ACSL1: variants seen among roughly 807,000 people sequenced by gnomAD.
ACSL1 encodes acyl-CoA synthetase long chain family member 1, also known as long-chain-fatty-acid--CoA ligase 1.
Under a neutral mutation model 98.4 loss-of-function variants are expected in ACSL1, and 41 were observed. That is an observed-to-expected ratio of 0.42 (90% confidence interval 0.32 to 0.54). ACSL1 has a LOEUF of 0.54. Ranked by LOEUF, ACSL1 falls within the 20% of genes least tolerant of loss-of-function variation. ACSL1 has a pLI of 0.13. For missense variants in ACSL1, 734 were observed against 883.1 expected, an observed-to-expected ratio of 0.83 and a Z score of 2.14; for synonymous variants, 316 against 322.7, an observed-to-expected ratio of 0.98 and a Z score of 0.22.
At chr4:184,814,524 G>A (rs62338220) in intron 1 of ACSL1, among the ~76,000 whole-genome samples, 8,778 of 152,078 alleles carry the variant, frequency 0.058, 389 homozygotes, top group Non-Finnish European at 0.086. Flanking sequence ...TCTATGTGGC[G>A]AGTCTATGGG....
intron 4 of ACSL1, among the ~76,000 whole-genome samples, chr4:184,782,567 C>T (rs1330272575): frequency 1.3e-5 from 2 of 152,200 alleles, no homozygotes; most frequent in Admixed American, 6.5e-5. Context: ...GACCATCACA[C>T]ACAACACACA....
chr4:184,779,093 A>T (rs149296385), intron 5 of ACSL1, among the ~76,000 whole-genome samples: 206 of 152,322 alleles, frequency 1.4e-3, no homozygotes, highest in African/African-American at 4.6e-3. Context: ...TACCATAAGC[A>T]ATACTTCCAA....
chr4:184,809,751 G>A (rs934009895), intron 1 of ACSL1, among the ~76,000 whole-genome samples: 3 of 152,142 alleles, frequency 2.0e-5, no homozygotes, highest in Admixed American at 1.3e-4. Flanking sequence ...AGCTGAGATC[G>A]CGCCACTGCA....
chr4:184,791,454 G>A lies in ACSL1; in HGVS notation c.196-2723C>T, dbSNP rs141321414. 2.1e-4 allele frequency among the ~76,000 whole-genome samples: 32 copies of A among 152,318 alleles called. No individual in the cohort carries two copies. The East Asian group carries it at 5.4e-3, about 26-fold the overall frequency. ...CAAAGTGTGCTCTGCGGAACACCTGGCACTGGTTAGGAAAGCAAATCACAC... is the reference window on the plus strand; with the variant it reads ...CAAAGTGTGCTCTGCGGAACACCTGACACTGGTTAGGAAAGCAAATCACAC... On this transcript the variant is annotated intron_variant, in intron 2 of 20. Coordinates refer to ENST00000281455, the MANE Select transcript of ACSL1 (RefSeq NM_001995.5).
intron 1 of ACSL1, among the ~76,000 whole-genome samples, chr4:184,814,508 T>G (rs1278671185): frequency 6.6e-6 from 1 of 152,122 alleles, no homozygotes; most frequent in Non-Finnish European, 1.5e-5. Flanking sequence ...TGTTAAAACC[T>G]TCAATTCTAT....
chr4:184,762,535 A>G lies in ACSL1; in HGVS notation c.1522-12T>C. The stretch of plus-strand genomic sequence containing the variant: ...CCTTTCACACACACCTAAAGAAAAG[A>G]AGATCATCAGTGAACAGCATTTACT... On this transcript the variant is annotated splice_polypyrimidine_tract_variant and intron_variant, in intron 16 of 20. Transcript: ENST00000281455. The G allele has an allele frequency of 6.2e-7, 1 of 1,609,112 alleles. No homozygotes were observed. The highest frequency in any genetic ancestry group is 8.5e-7 in the Non-Finnish European group (1 of 1,175,384).
At chr4:184,778,617 C>T (rs1423301636) in intron 5 of ACSL1, among the ~76,000 whole-genome samples, 2 of 152,154 alleles carry the variant, frequency 1.3e-5, no homozygotes, top group African/African-American at 2.4e-5. Flanking sequence ...GAGAAAGCAC[C>T]GGTGTTTAGG....
chr4:184,782,841 C>A (rs569575999), intron 4 of ACSL1, among the ~76,000 whole-genome samples: 1 of 152,262 alleles, frequency 6.6e-6, no homozygotes, highest in African/African-American at 2.4e-5. Flanking sequence ...GGGGAGAAAT[C>A]ATGCACTTCA....
chr4:184,780,289 G>A (rs200451705), intron 5 of ACSL1, 43 bp downstream of exon 5: 1 of 1,523,576 alleles, frequency 6.6e-7, no homozygotes, highest in East Asian at 2.3e-5. Flanking sequence ...TTATATCTGA[G>A]AATTCTCAAA....
At chr4:184,811,264 A>G (rs144057088) in intron 1 of ACSL1, among the ~76,000 whole-genome samples, 2,939 of 150,748 alleles carry the variant, frequency 0.019, 99 homozygotes, top group African/African-American at 0.069. Context: ...ACCCGCCACC[A>G]CGCCTGGCTA....
chr4:184,802,757 C>T (rs1464663290), intron 2 of ACSL1, among the ~76,000 whole-genome samples: 4 of 152,214 alleles, frequency 2.6e-5, no homozygotes, highest in Admixed American at 6.5e-5. Context: ...ACAACCACGG[C>T]GCTCAGCAGC....
At chr4:184,779,825 CTT>C (rs1765929237) in intron 5 of ACSL1, among the ~76,000 whole-genome samples, 1 of 150,872 alleles carries the variant, frequency 6.6e-6, no homozygotes, top group South Asian at 2.1e-4. Flanking sequence ...AAAGTGATTT[CTT>C]TTTTCTCTTA....
intron 17 of ACSL1, among the ~76,000 whole-genome samples, chr4:184,761,528 C>T (rs552299461): frequency 6.6e-6 from 1 of 152,312 alleles, no homozygotes; most frequent in South Asian, 2.1e-4. Context: ...CTTGCACAAG[C>T]TTCTCACTCT....
rs189430344 is a variant in ACSL1 at position 184,785,343 on chromosome 4, A to G, written c.311-1352T>C. Among the ~76,000 whole-genome samples the G allele has an allele frequency of 1.9e-4, 29 of 152,184 alleles. No individual in the cohort carries two copies. In the East Asian group the frequency reaches 5.6e-3, roughly 29 times the overall value. The stretch of plus-strand genomic sequence containing the variant: ...ATAGGGATGGGGCCTGGGCCTCAGT[A>G]TTTTTTAGAAGCTCCCCGATGGCAC... On this transcript the variant is annotated intron_variant, in intron 3 of 20. Transcript: ENST00000281455.
intron 11 of ACSL1, 147 bp from the exon 12 acceptor site, chr4:184,768,597 T>A (rs1423831155): frequency 4.2e-6 from 5 of 1,196,534 alleles, no homozygotes; most frequent in East Asian, 5.3e-5. Flanking sequence ...TTAAAAAAAA[T>A]GTGCATTTAC....
intron 1 of ACSL1, among the ~76,000 whole-genome samples, chr4:184,816,460 T>C (rs1226198190): frequency 1.3e-5 from 2 of 151,990 alleles, no homozygotes; most frequent in Admixed American, 1.3e-4. Context: ...TTGCAGAAGA[T>C]TATAGAATAA....
At position 184,757,477 on chromosome 4, in the gene ACSL1, C is replaced by T. The variant is rs550235971; in HGVS notation, c.1956+158G>A. On this transcript the variant is annotated intron_variant, in intron 20 of 20. Coordinates refer to ENST00000281455, the MANE Select transcript of ACSL1 (RefSeq NM_001995.5). The surrounding 1 kb of genome is among the most constrained non-coding windows in gnomAD (Gnocchi z 4.5). Reference sequence around the variant, plus strand: ...GATATCCAGGAAAAGAGAATAAATGCTTTTGATTTAAAAACCTTTCCCCTG... The same window carrying T: ...GATATCCAGGAAAAGAGAATAAATGTTTTTGATTTAAAAACCTTTCCCCTG... Among the ~76,000 whole-genome samples the T allele has an allele frequency of 6.6e-6, 1 of 152,270 alleles. No homozygotes were observed. The highest frequency in any genetic ancestry group is 2.4e-5 in the African/African-American group (1 of 41,556).
At chr4:184,781,644 T>C (rs1766293859) in intron 4 of ACSL1, among the ~76,000 whole-genome samples, 3 of 152,194 alleles carry the variant, frequency 2.0e-5, no homozygotes, top group Admixed American at 2.0e-4. Context: ...AGTCTCACTC[T>C]GTTGCCCAAG....
At chr4:184,786,866 G>C (rs1767470737) in intron 3 of ACSL1, among the ~76,000 whole-genome samples, 1 of 151,970 alleles carries the variant, frequency 6.6e-6, no homozygotes, top group Non-Finnish European at 1.5e-5. Flanking sequence ...GCTAACTTTT[G>C]TATTTTTAGT....
Sources: allele counts gnomAD v4.1 joint callset (sites outside exome capture counted in the v4.1 genomes callset), GRCh38; gene constraint gnomAD v4.1.1; non-coding constraint Gnocchi (gnomAD v3.1); transcripts MANE v1.5; gene names NCBI Gene and HGNC (gene_info 2026-07-23, HGNC 2026-07-21).